The following MACROD2 variants were observed in gnomAD, a reference collection of about 807,000 sequenced individuals.
MACROD2 encodes the protein mono-ADP ribosylhydrolase 2.
MACROD2 carries 36 observed loss-of-function variants against 70.4 expected under a neutral mutation model. The observed-to-expected ratio is 0.51, with a 90% CI of 0.39 to 0.68. The LOEUF (loss-of-function observed/expected upper bound fraction) is 0.68, where lower values mean the gene tolerates loss of function less well. Ranked by LOEUF, MACROD2 falls within the 30% of genes least tolerant of loss-of-function variation. The probability of loss-of-function intolerance (pLI) is 0.00; values close to 1 mark genes in which losing one functional copy is unlikely to be tolerated. For synonymous variants in MACROD2, 172 were observed against 178.8 expected (o/e 0.96, Z 0.30); for missense variants, 496 against 538.4 (o/e 0.92, Z 0.78).
chr20:14,176,041 C>T (rs1019491826), intron 3 of MACROD2, among the ~76,000 whole-genome samples: 3 of 152,150 alleles, frequency 2.0e-5, no homozygotes, highest in Non-Finnish European at 4.4e-5. Context: ...GATATGTCTC[C>T]TGTAAATGTT....
chr20:14,028,085 A>T (rs1225721463), intron 2 of MACROD2, among the ~76,000 whole-genome samples: 1 of 152,178 alleles, frequency 6.6e-6, no homozygotes, highest in Admixed American at 6.5e-5. Context: ...ACTGGGGCTG[A>T]TGCCTTTCTT....
At chr20:14,183,388 C>A (rs1024566202) in intron 3 of MACROD2, among the ~76,000 whole-genome samples, 3 of 152,060 alleles carry the variant, frequency 2.0e-5, no homozygotes, top group Admixed American at 6.6e-5. Context: ...GCATAGTATT[C>A]CATGGCATAT....
intron 8 of MACROD2, among the ~76,000 whole-genome samples, chr20:15,815,417 T>TC (rs2063863134): frequency 6.6e-6 from 1 of 151,940 alleles, no homozygotes. Context: ...ATAGTTCTTT[T>TC]TTTTTTTAAT....
chr20:15,664,254 A>T (rs79963405), intron 8 of MACROD2, among the ~76,000 whole-genome samples: 2 of 152,178 alleles, frequency 1.3e-5, no homozygotes, highest in Admixed American at 1.3e-4. Flanking sequence ...CAAAGGAGGA[A>T]CTGAAATATT....
At chr20:14,253,139 C>T (rs1296537840) in intron 3 of MACROD2, among the ~76,000 whole-genome samples, 3 of 151,868 alleles carry the variant, frequency 2.0e-5, no homozygotes, top group African/African-American at 7.2e-5. Flanking sequence ...CTTTTTAGCA[C>T]TCAAGGAGAT....
chr20:15,099,098 G>A (rs1234315783), intron 5 of MACROD2, among the ~76,000 whole-genome samples: 1 of 152,154 alleles, frequency 6.6e-6, no homozygotes, highest in African/African-American at 2.4e-5. Flanking sequence ...CTGGAACATG[G>A]ACATCCATGG....
intron 5 of MACROD2, among the ~76,000 whole-genome samples, chr20:14,709,581 C>CA (rs1351484160): frequency 6.6e-6 from 1 of 151,918 alleles, no homozygotes; most frequent in African/African-American, 2.4e-5. Context: ...GCAATAAATA[C>CA]AAAAAAGGCA....
At chr20:15,078,105 C>T (rs963993468) in intron 5 of MACROD2, among the ~76,000 whole-genome samples, 9 of 152,064 alleles carry the variant, frequency 5.9e-5, no homozygotes, top group African/African-American at 1.9e-4. Context: ...AAAAAGTGAG[C>T]TTGGGGAGTT....
chr20:14,384,896 C>G (rs2083455071), intron 3 of MACROD2, among the ~76,000 whole-genome samples: 1 of 152,058 alleles, frequency 6.6e-6, no homozygotes, highest in African/African-American at 2.4e-5. Context: ...CCTTAAAGTT[C>G]TTTCCCTGCC....
chr20:15,647,130 A>C (rs2049560128), intron 8 of MACROD2, among the ~76,000 whole-genome samples: 1 of 152,240 alleles, frequency 6.6e-6, no homozygotes, highest in South Asian at 2.1e-4. Flanking sequence ...ACAGTCGGTG[A>C]GAATATAGGA....
intron 6 of MACROD2, among the ~76,000 whole-genome samples, chr20:15,400,124 C>A (rs888515865): frequency 1.3e-5 from 2 of 152,176 alleles, no homozygotes; most frequent in African/African-American, 4.8e-5. Flanking sequence ...CTGCTTAAGG[C>A]TTAGAATCAT....
At chr20:14,795,188 C>T (rs952434623) in intron 5 of MACROD2, among the ~76,000 whole-genome samples, 5 of 151,992 alleles carry the variant, frequency 3.3e-5, no homozygotes, top group Non-Finnish European at 4.4e-5. Context: ...TTTATTCCAA[C>T]CAAAATGGGA....
At chr20:14,837,887 A>T (rs1395443849) in intron 5 of MACROD2, among the ~76,000 whole-genome samples, 4 of 151,580 alleles carry the variant, frequency 2.6e-5, no homozygotes, top group Non-Finnish European at 5.9e-5. Flanking sequence ...TTTTTCAATG[A>T]TACATTCCAC....
intron 15 of MACROD2, among the ~76,000 whole-genome samples, chr20:15,997,077 C>T (rs182693793): frequency 6.6e-6 from 1 of 152,192 alleles, no homozygotes; most frequent in Non-Finnish European, 1.5e-5. Context: ...TGTTGTTGTG[C>T]CAGTACCATA....
chr20:15,777,408 T>A (rs2051739617), intron 8 of MACROD2, among the ~76,000 whole-genome samples: 1 of 151,654 alleles, frequency 6.6e-6, no homozygotes, highest in African/African-American at 2.4e-5. Flanking sequence ...ACTGTCCTAT[T>A]TTCTGCATGA....
At chr20:15,952,009 G>T (rs967032841) in intron 12 of MACROD2, among the ~76,000 whole-genome samples, 4 of 152,036 alleles carry the variant, frequency 2.6e-5, no homozygotes, top group East Asian at 1.9e-4. Context: ...TGAATCATGG[G>T]GGCAGGTGTT....
intron 8 of MACROD2, among the ~76,000 whole-genome samples, chr20:15,801,142 C>T (rs2063721128): frequency 1.3e-5 from 2 of 148,440 alleles, no homozygotes; most frequent in South Asian, 4.2e-4. Context: ...GTCCTGTGAC[C>T]CTGCCAAATC....
At chr20:15,775,490 G>A (rs1371053911) in intron 8 of MACROD2, among the ~76,000 whole-genome samples, 3 of 152,108 alleles carry the variant, frequency 2.0e-5, no homozygotes, top group African/African-American at 7.2e-5. Flanking sequence ...AAGGGAGGGG[G>A]TATAACAAGG....
At chr20:15,889,188 T>C (rs900987923) in intron 10 of MACROD2, among the ~76,000 whole-genome samples, 3 of 152,176 alleles carry the variant, frequency 2.0e-5, no homozygotes, top group Admixed American at 1.3e-4. Context: ...CCATGGTCTT[T>C]TTCAAGCTTC....
Sources: allele counts gnomAD v4.1 joint callset (sites outside exome capture counted in the v4.1 genomes callset), GRCh38; gene constraint gnomAD v4.1.1; transcripts MANE v1.5; gene names NCBI Gene and HGNC (gene_info 2026-07-23, HGNC 2026-07-21).